The following PNKP variants were observed in gnomAD, a reference collection of about 807,000 sequenced individuals.
PNKP encodes the protein bifunctional polynucleotide phosphatase/kinase.
A neutral mutation model predicts 66.2 loss-of-function variants in PNKP; 82 were observed. The ratio of observed to expected loss-of-function variants is 1.24; its 90% CI spans 1.04 to 1.49. The LOEUF is 1.49. Ranked by LOEUF, PNKP falls within the 40% of genes most tolerant of loss-of-function variation. The pLI is 0.00. For synonymous variants in PNKP, 412 were observed against 298.9 expected (o/e 1.38, Z -3.90); for missense variants, 907 against 706.8 (o/e 1.28, Z -3.21).
chr19:49,861,794 G>C lies in PNKP; in HGVS notation c.1276C>G (p.Pro426Ala), dbSNP rs1279639095. Residue 426 changes from proline (P) to alanine (A), a missense_variant, in exon 14 of 17, where the codon CCA becomes GCA. Physicochemically the swap from Pro to Ala is conservative, Grantham distance 27 (BLOSUM62 -1). Transcript: ENST00000322344. ...GKRVAIDNTN[P>A]DAASRARYVQ... is the part of the protein sequence containing the mutation. ...TACCTGGCGCGGCTCGCGGCGTCTG[G>C]GTTTGTGTTGTCGATGGCGACCCGT... 2.5e-6 allele frequency: 4 copies of C among 1,572,116 alleles called. No homozygotes were observed. Among genetic ancestry groups the C allele is most frequent in the Admixed American group, 1.9e-5 (1 of 53,124 alleles).
intron 3 of PNKP, chr19:49,866,115 G>T: frequency 2.1e-6 from 1 of 474,252 alleles, no homozygotes. Context: ...TGGGCTCAAG[G>T]GATCCTCCCG....
At chr19:49,866,632 T>C in intron 2 of PNKP, 187 bp from the exon 3 acceptor site, 1 of 706,326 alleles carries the variant, frequency 1.4e-6, no homozygotes, top group Admixed American at 2.0e-5. Flanking sequence ...CACTGGTCCT[T>C]GCAAGGGACA....
rs983583870 is a variant in PNKP at position 49,861,981 on chromosome 19, C to G, written c.1188+63G>C. On this transcript the variant is annotated intron_variant, in intron 13 of 16. Coordinates refer to ENST00000322344, the MANE Select transcript of PNKP (RefSeq NM_007254.4). ...AATGATGGAGGAAAGCCGCCCCAAA[C>G]CAGTTGAGAGGTGGAGATGGGAACT... 7 of 1,600,198 alleles carry G rather than the reference C, an allele frequency of 4.4e-6. No homozygotes were observed. The African/African-American group carries it at 8.0e-5, about 18-fold the overall frequency.
chr19:49,863,120 G>A (rs2074791898), intron 8 of PNKP, among the ~76,000 whole-genome samples: 1 of 152,170 alleles, frequency 6.6e-6, no homozygotes. Flanking sequence ...AGCCGCATGG[G>A]CCTCGCTGTC....
Position 49,862,419 on chromosome 19 carries a change from G to A in PNKP, c.981C>T (p.Phe327=), listed in dbSNP as rs773866725. ...AGCCGGCTGCTGGCCACTTGAGAAA[G>A]AACTCCTCAGGCGTGGCGAAGGGCA... ...LGLPFATPEE[F]FLKWPAAGFE... Residue 327 remains phenylalanine (F), a synonymous_variant, in exon 11 of 17, where the codon TTC becomes TTT. Transcript: ENST00000322344. The A allele has an allele frequency of 6.3e-7, 1 of 1,574,808 alleles. No individual in the cohort carries two copies. Among genetic ancestry groups the A allele is most frequent in the Non-Finnish European group, 8.6e-7 (1 of 1,160,004 alleles).
intron 4 of PNKP, 88 bp downstream of exon 4, chr19:49,865,039 T>C (rs1190756582): frequency 1.9e-6 from 2 of 1,074,422 alleles, no homozygotes; most frequent in Non-Finnish European, 2.8e-6. Flanking sequence ...GAAAAGTAAG[T>C]AGAGGCTAAA....
Position 49,861,526 on chromosome 19 carries a change from G to C in PNKP, c.1387-16C>G. Reference sequence around the variant, plus strand: ...TCTCTCGAAACTGTGGGGAACATCAGAGGGGCGGCAGGCCCAGGGGTCAGG... The same window carrying C: ...TCTCTCGAAACTGTGGGGAACATCACAGGGGCGGCAGGCCCAGGGGTCAGG... On this transcript the variant is annotated splice_polypyrimidine_tract_variant and intron_variant, in intron 15 of 16. Transcript: ENST00000322344. 2 of 1,612,582 alleles carry C rather than the reference G, an allele frequency of 1.2e-6. No homozygotes were observed. The highest frequency in any genetic ancestry group is 1.7e-6 in the Non-Finnish European group (2 of 1,178,922).
At position 49,861,242 on chromosome 19, in the gene PNKP, C is replaced by CG. The variant is rs1568657697; in HGVS notation, c.*5dup. ...GCGTTTATTGTGGAGGGGAGCTGGG[C>CG]GGGGCTCAGCCCTCGGAGAACTGGC... On this transcript the variant is annotated 3_prime_UTR_variant, in exon 17 of 17. Transcript: ENST00000322344. The CG allele has an allele frequency of 6.4e-7, 1 of 1,555,188 alleles. No homozygotes were observed. The highest frequency in any genetic ancestry group is 1.7e-5 in the Admixed American group (1 of 59,982).
chr19:49,865,592 T>C (rs908525668), intron 3 of PNKP, 166 bp from the exon 4 acceptor site: 15 of 573,832 alleles, frequency 2.6e-5, no homozygotes, highest in Admixed American at 1.9e-4. Context: ...TTTTCAGCCT[T>C]GTCCGAATCT....
intron 8 of PNKP, among the ~76,000 whole-genome samples, chr19:49,863,095 C>T (rs991327260): frequency 1.6e-4 from 25 of 152,344 alleles, no homozygotes; most frequent in African/African-American, 5.0e-4. Flanking sequence ...CCTCTCCCCT[C>T]CCTCGCTTAG....
At position 49,867,186 on chromosome 19, in the gene PNKP, G is replaced by C; in HGVS notation, c.19C>G (p.Pro7Ala). 6.2e-7 allele frequency: 1 copy of C among 1,611,658 alleles called. No individual in the cohort carries two copies. Among genetic ancestry groups the C allele is most frequent in the Non-Finnish European group, 8.5e-7 (1 of 1,179,286 alleles). Reference protein sequence around the residue: MGEVEAPGRLWLESPPG... With the variant: MGEVEAAGRLWLESPPG... ...GGGCTCTCGAGCCACAAGCGGCCCG[G>C]GGCCTCCACCTCGCCCATCCTGGGT... The change falls in exon 2 of 17, where the codon CCG becomes GCG. Residue 7 changes from proline (P) to alanine (A), a missense_variant. Coordinates refer to ENST00000322344, the MANE Select transcript of PNKP (RefSeq NM_007254.4).
chr19:49,864,599 T>G (rs568734109), intron 4 of PNKP, among the ~76,000 whole-genome samples, 196 bp from the exon 5 acceptor site: 135 of 152,302 alleles, frequency 8.9e-4, no homozygotes, highest in African/African-American at 3.1e-3. Context: ...TTAACCTTAC[T>G]GTCTCCTGTT....
At chr19:49,866,301 C>G in intron 3 of PNKP, 98 bp downstream of exon 3, 2 of 1,147,986 alleles carry the variant, frequency 1.7e-6, no homozygotes, top group East Asian at 2.3e-5. Flanking sequence ...CGCCCGGCCC[C>G]AATCAGATTT....
Position 49,862,098 on chromosome 19 carries a change from C to T in PNKP, c.1134G>A (p.Lys378=), listed in dbSNP as rs1393460785. The T allele has an allele frequency of 3.1e-6, 5 of 1,614,130 alleles. No individual in the cohort carries two copies. The South Asian group carries it at 5.5e-5, about 18-fold the overall frequency. Residue 378 remains lysine, a synonymous_variant, in exon 13 of 17, where the codon AAG becomes AAA. Coordinates refer to ENST00000322344, the MANE Select transcript of PNKP (RefSeq NM_007254.4). ...CGAGGTGCTTCTTGAGAAAGGTGGA[C>T]TTCCCGGCTGTGTGGGGGGCAGTGT... ...VVAVGFPGAG[K]STFLKKHLVS...
rs745974624 is a variant in PNKP, at chr19:49,861,611, G to A, written c.1383C>T (p.Asn461=). 4.5e-6 allele frequency: 7 copies of A among 1,558,002 alleles called. No individual in the cohort carries two copies. The highest frequency in any genetic ancestry group is 6.1e-6 in the Non-Finnish European group (7 of 1,151,778). ...TGTCCGGGCTGAGCGGGCTCACCCG[G>A]TTGTTGTGGCGCGCCTGCTCCAGAG... The part of the protein sequence containing the change: ...TATLEQARHN[N]RFREMTDSSH... Residue 461 remains asparagine, a synonymous_variant, in exon 15 of 17, where the codon AAC becomes AAT. Transcript: ENST00000322344.
chr19:49,861,910 C>CGGCA (rs1436983985), intron 13 of PNKP, 29 bp from the exon 14 acceptor site: 1 of 1,581,188 alleles, frequency 6.3e-7, no homozygotes, highest in African/African-American at 1.3e-5. Context: ...ACAAACAGAT[C>CGGCA]GGCAGACCCA....
intron 3 of PNKP, 39 bp from the exon 4 acceptor site, chr19:49,865,465 C>T (rs1460067039): frequency 4.7e-6 from 7 of 1,485,324 alleles, no homozygotes; most frequent in African/African-American, 4.2e-5. Context: ...TGGCTCCGCC[C>T]CCACCGGGAG....
At position 49,867,219 on chromosome 19, in the gene PNKP, T is replaced by G; in HGVS notation, c.-13-2A>C. 6.2e-7 allele frequency: 1 copy of G among 1,606,882 alleles called. No individual in the cohort carries two copies. Among genetic ancestry groups the G allele is most frequent in the Non-Finnish European group, 8.5e-7 (1 of 1,176,974 alleles). On this transcript the variant is annotated splice_acceptor_variant, in intron 1 of 16. Coordinates refer to ENST00000322344, the MANE Select transcript of PNKP (RefSeq NM_007254.4). LOFTEE classifies it low-confidence loss of function (5UTR_SPLICE). The stretch of plus-strand genomic sequence containing the variant: ...ACCTCGCCCATCCTGGGTGCCGGCC[T>G]GGGGAGCAGGTAAACGGGCTTGAGC...
intron 4 of PNKP, 116 bp downstream of exon 4, chr19:49,865,011 C>G (rs2074807320): frequency 5.1e-6 from 4 of 779,104 alleles, no homozygotes; most frequent in Non-Finnish European, 8.6e-6. Context: ...CTGCATTTAT[C>G]ATTAGGCCCA....
Sources: allele counts gnomAD v4.1 joint callset (sites outside exome capture counted in the v4.1 genomes callset), GRCh38; gene constraint gnomAD v4.1.1; transcripts MANE v1.5; gene names NCBI Gene and HGNC (gene_info 2026-07-23, HGNC 2026-07-21).